DNAL1: variants seen among roughly 807,000 people sequenced by gnomAD.
The protein encoded by DNAL1 is chromosome 14 open reading frame 168.
Under a neutral mutation model 29.4 loss-of-function variants are expected in DNAL1, and 17 were observed. The ratio of observed to expected loss-of-function variants is 0.58; its 90% CI spans 0.40 to 0.87. The LOEUF (loss-of-function observed/expected upper bound fraction) is 0.87. Among genes scored for constraint, DNAL1 ranks in the 40% least tolerant of loss-of-function variants. The pLI is 0.00. For synonymous variants in DNAL1, 78 were observed against 76.3 expected, an observed-to-expected ratio of 1.02 and a Z score of -0.12; for missense variants, 188 against 214.1, an observed-to-expected ratio of 0.88 and a Z score of 0.76.
intron 1 of DNAL1, among the ~76,000 whole-genome samples, chr14:73,649,729 G>C (rs1330479722): frequency 1.3e-5 from 2 of 151,846 alleles, no homozygotes; most frequent in Admixed American, 1.3e-4. Flanking sequence ...TTTTTCCTTA[G>C]TAATTGTTAC....
rs1409929987 is a variant in DNAL1 at position 73,696,835 on chromosome 14, CATT to C, written c.*894_*896del. The C allele has an allele frequency of 4.6e-5, 7 of 152,152 alleles. No individual in the cohort carries two copies. The highest frequency in any genetic ancestry group is 3.3e-4 in the Admixed American group (5 of 15,268). 9.4% of individuals were successfully genotyped at this position (152,152 alleles called of 1,614,324 possible). ...CCTAATTATTTGGTCTGGTGACCCT[CATT>C]GTTGGGAAAAGTGACTACCATGGTT... On this transcript the variant is annotated 3_prime_UTR_variant, in exon 8 of 8. Coordinates refer to ENST00000553645, the MANE Select transcript of DNAL1 (RefSeq NM_031427.4).
At chr14:73,656,816 A>G (rs892663533) in intron 2 of DNAL1, among the ~76,000 whole-genome samples, 1 of 152,134 alleles carries the variant, frequency 6.6e-6, no homozygotes, top group Non-Finnish European at 1.5e-5. Flanking sequence ...ACTAGATGTC[A>G]ATTTCTCCTC....
chr14:73,652,034 G>A (rs1595200287), intron 1 of DNAL1, among the ~76,000 whole-genome samples: 2 of 151,926 alleles, frequency 1.3e-5, no homozygotes, highest in East Asian at 3.9e-4. Flanking sequence ...GTGTATGTGT[G>A]GTTTTTGTTT....
chr14:73,692,936 G>A (rs1332263231), intron 7 of DNAL1, among the ~76,000 whole-genome samples: 3 of 151,248 alleles, frequency 2.0e-5, no homozygotes, highest in South Asian at 2.1e-4. Context: ...TCCCAGATTC[G>A]AGCAATTCTC....
chr14:73,665,179 T>C (rs972721089), intron 4 of DNAL1, among the ~76,000 whole-genome samples: 3 of 152,158 alleles, frequency 2.0e-5, no homozygotes, highest in Admixed American at 6.5e-5. Context: ...AATCTTTTAA[T>C]CTTCTATTTC....
intron 6 of DNAL1, among the ~76,000 whole-genome samples, chr14:73,688,304 T>C (rs1892071406): frequency 6.6e-6 from 1 of 152,180 alleles, no homozygotes. Flanking sequence ...TGTAAGCTGA[T>C]AATTATAAAA....
chr14:73,665,193 AC>A (rs1891449400), intron 4 of DNAL1, among the ~76,000 whole-genome samples: 1 of 151,908 alleles, frequency 6.6e-6, no homozygotes, highest in Non-Finnish European at 1.5e-5. Context: ...CTATTTCAGT[AC>A]CCCCACCCCT....
chr14:73,685,322 G>C (rs974630708), intron 5 of DNAL1, among the ~76,000 whole-genome samples: 2 of 152,022 alleles, frequency 1.3e-5, no homozygotes, highest in African/African-American at 4.8e-5. Context: ...CCGTCTTTAC[G>C]AATTTAACTA....
chr14:73,682,605 TTATTC>T (rs1029738955), intron 5 of DNAL1, among the ~76,000 whole-genome samples: 37 of 151,996 alleles, frequency 2.4e-4, no homozygotes, highest in African/African-American at 8.7e-4. Flanking sequence ...CTTTATTTCA[TTATTC>T]TATAAGCTTT....
chr14:73,673,903 A>G (rs1891670600), intron 5 of DNAL1, among the ~76,000 whole-genome samples: 1 of 150,432 alleles, frequency 6.6e-6, no homozygotes, highest in African/African-American at 2.4e-5. Context: ...AAAAGGAAAG[A>G]AAAAGAAAGC....
chr14:73,648,416 A>ATATATATATATATATATATATATATATC (rs1891030842), intron 1 of DNAL1, among the ~76,000 whole-genome samples: 1 of 132,144 alleles, frequency 7.6e-6, no homozygotes, highest in African/African-American at 2.9e-5. Context: ...ATATATATAT[A>ATATATATATATATATATATATATATATC]TTTGTTGTTT....
Position 73,696,692 on chromosome 14 carries a change from CAT to C in DNAL1, c.*751_*752del, listed in dbSNP as rs1243083969. The C allele has an allele frequency of 1.3e-5, 2 of 152,150 alleles. No individual in the cohort carries two copies. The highest frequency in any genetic ancestry group is 4.8e-5 in the African/African-American group (2 of 41,422). The allele number at this position is 152,150 out of a possible 1,614,324, so 9.4% of individuals were successfully genotyped here. A position where few individuals can be genotyped will look rare whatever the true frequency, so the allele number is the denominator to read the frequency against. ...TGACTGATAATGTGGCAATGTTACTCATGTGGACCTCGCCTTAAGCACACATT... is the reference window on the plus strand; with the variant it reads ...TGACTGATAATGTGGCAATGTTACTCGTGGACCTCGCCTTAAGCACACATT... On this transcript the variant is annotated 3_prime_UTR_variant, in exon 8 of 8. Coordinates refer to ENST00000553645, the MANE Select transcript of DNAL1 (RefSeq NM_031427.4).
chr14:73,698,317 G>T lies in DNAL1; in HGVS notation c.*2375G>T, dbSNP rs1298059380. 5.3e-5 allele frequency: 8 copies of T among 152,192 alleles called. No individual in the cohort carries two copies. Among genetic ancestry groups the T allele is most frequent in the African/African-American group, 1.9e-4 (8 of 41,454 alleles). 9.4% of individuals were successfully genotyped at this position (152,192 alleles called of 1,614,324 possible). A position where few individuals can be genotyped will look rare whatever the true frequency, so the allele number is the denominator to read the frequency against. ...GAACCCATGCCATTAGAAAATGGCA[G>T]TTGGGATGTATGAAGAAATGTAGGA... On this transcript the variant is annotated 3_prime_UTR_variant, in exon 8 of 8. Coordinates refer to ENST00000553645, the MANE Select transcript of DNAL1 (RefSeq NM_031427.4).
intron 3 of DNAL1, among the ~76,000 whole-genome samples, chr14:73,659,413 C>G (rs971182806): frequency 6.6e-6 from 1 of 151,618 alleles, no homozygotes; most frequent in East Asian, 1.9e-4. Context: ...CCGCCCACCT[C>G]GGCCTCCCAA....
chr14:73,657,817 ACTC>A (rs1421333250), intron 2 of DNAL1, among the ~76,000 whole-genome samples: 1 of 151,900 alleles, frequency 6.6e-6, no homozygotes, highest in African/African-American at 2.4e-5. Flanking sequence ...CTGGTCTTAA[ACTC>A]CTGACCTCAG....
At chr14:73,681,182 G>A (rs1431328489) in intron 5 of DNAL1, among the ~76,000 whole-genome samples, 1 of 150,202 alleles carries the variant, frequency 6.7e-6, no homozygotes, top group African/African-American at 2.5e-5. Flanking sequence ...CACTGAGGCT[G>A]GAGTGCAGTG....
At position 73,698,655 on chromosome 14, in the gene DNAL1, G is replaced by C. The variant is rs755563143; in HGVS notation, c.*2713G>C. 1 of 152,058 alleles carries C rather than the reference G, an allele frequency of 6.6e-6. No homozygotes were observed. Among genetic ancestry groups the C allele is most frequent in the Non-Finnish European group, 1.5e-5 (1 of 68,030 alleles). The allele number at this position is 152,058 out of a possible 1,614,324, so 9.4% of individuals were successfully genotyped here. On this transcript the variant is annotated 3_prime_UTR_variant, in exon 8 of 8. Transcript: ENST00000553645. ...GATGGGGTTTCACCATGTTGGCCAG[G>C]CTTGTCTTGAACTCCTAACTTCAGA...
rs531036854 is a variant in DNAL1 at position 73,698,192 on chromosome 14, A to C, written c.*2250A>C. 5.9e-5 allele frequency: 9 copies of C among 152,328 alleles called. 1 individual carries two copies. The South Asian group carries it at 1.9e-3, about 32-fold the overall frequency. The allele number at this position is 152,328 out of a possible 1,614,324, so 9.4% of individuals were successfully genotyped here. A position where few individuals can be genotyped will look rare whatever the true frequency, so the allele number is the denominator to read the frequency against. ...TGACTTTTAATTACAGGTAGTTCTC[A>C]GACAAATGTAAGATACTTTTCTCTG... On this transcript the variant is annotated 3_prime_UTR_variant, in exon 8 of 8. Transcript: ENST00000553645.
At chr14:73,677,919 G>A (rs117727308) in intron 5 of DNAL1, among the ~76,000 whole-genome samples, 3,368 of 76,616 alleles carry the variant, frequency 0.044, 60 homozygotes, top group Middle Eastern at 0.073. Flanking sequence ...TGTGTGTGAT[G>A]GTGGTCTGAC....
Sources: allele counts gnomAD v4.1 joint callset (sites outside exome capture counted in the v4.1 genomes callset), GRCh38; gene constraint gnomAD v4.1.1; transcripts MANE v1.5; gene names NCBI Gene and HGNC (gene_info 2026-07-23, HGNC 2026-07-21).